The following LINGO2 variants were observed in gnomAD, a reference collection of about 807,000 sequenced individuals.
LINGO2 encodes leucine-rich repeat and immunoglobulin-like domain-containing nogo receptor-interacting protein 2.
Under a neutral mutation model 30.6 loss-of-function variants are expected in LINGO2, and 14 were observed. The observed-to-expected ratio is 0.46, with a 90% CI of 0.30 to 0.72. The LOEUF (loss-of-function observed/expected upper bound fraction) is 0.72, where lower values mean the gene tolerates loss of function less well. Among genes scored for constraint, LINGO2 ranks in the 30% least tolerant of loss-of-function variants. The pLI is 0.07. For synonymous variants in LINGO2, 317 were observed against 288.5 expected (o/e 1.10, Z -1.00); for missense variants, 729 against 751.7 (o/e 0.97, Z 0.35).
At chr9:28,053,459 T>A (rs1824771510) in intron 4 of LINGO2, among the ~76,000 whole-genome samples, 1 of 152,154 alleles carries the variant, frequency 6.6e-6, no homozygotes, top group Non-Finnish European at 1.5e-5. Flanking sequence ...AAATGGTAGT[T>A]GTTTATTCAC....
At chr9:28,853,883 C>T in the LINGO2 span, among the ~76,000 whole-genome samples, 7 of 151,638 alleles carry the variant, frequency 4.6e-5, no homozygotes, top group African/African-American at 1.5e-4. Context: ...TGACACAGAG[C>T]GAAAACTGTA....
At chr9:28,913,017 T>C in the LINGO2 span, among the ~76,000 whole-genome samples, 1 of 152,132 alleles carries the variant, frequency 6.6e-6, no homozygotes, top group African/African-American at 2.4e-5. Flanking sequence ...GGTGGCGGTG[T>C]TGAAAGTTAG....
chr9:28,532,818 G>A (rs1288008722), intron 1 of LINGO2, among the ~76,000 whole-genome samples: 1 of 152,004 alleles, frequency 6.6e-6, no homozygotes, highest in Non-Finnish European at 1.5e-5. Flanking sequence ...TACCCTGAGA[G>A]TTCCTGTAAA....
chr9:28,264,857 C>A (rs1174038844), intron 4 of LINGO2, among the ~76,000 whole-genome samples: 1 of 151,900 alleles, frequency 6.6e-6, no homozygotes, highest in Admixed American at 6.6e-5. Flanking sequence ...CAACTACTGT[C>A]CTTGACTTTA....
At chr9:28,170,115 C>T (rs947320860) in intron 4 of LINGO2, among the ~76,000 whole-genome samples, 3 of 152,080 alleles carry the variant, frequency 2.0e-5, no homozygotes, top group Admixed American at 2.0e-4. Context: ...TGGAACAGTG[C>T]CAGGACCATA....
chr9:28,208,344 CTG>C (rs937474610), intron 4 of LINGO2, among the ~76,000 whole-genome samples: 11 of 152,194 alleles, frequency 7.2e-5, no homozygotes, highest in African/African-American at 2.6e-4. Context: ...AATCCTAAGA[CTG>C]TGTTAAATCT....
intron 2 of LINGO2, among the ~76,000 whole-genome samples, chr9:28,408,029 A>G (rs2134787922): frequency 6.6e-6 from 1 of 152,222 alleles, no homozygotes; most frequent in African/African-American, 2.4e-5. Context: ...GACAGAAAAG[A>G]GAAGCAGTCT....
At chr9:29,192,840 A>G in the LINGO2 span, among the ~76,000 whole-genome samples, 1 of 152,158 alleles carries the variant, frequency 6.6e-6, no homozygotes, top group African/African-American at 2.4e-5. Context: ...TTCATTTCAC[A>G]AAGGATGTTG....
intron 2 of LINGO2, among the ~76,000 whole-genome samples, chr9:28,379,380 C>T (rs183857723): frequency 3.3e-5 from 5 of 152,128 alleles, no homozygotes; most frequent in Admixed American, 3.3e-4. Context: ...TTCTCTCTCA[C>T]TAGGAAAGTA....
the LINGO2 span, among the ~76,000 whole-genome samples, chr9:28,766,658 G>C: frequency 4.0e-5 from 6 of 151,746 alleles, no homozygotes; most frequent in Non-Finnish European, 5.9e-5. Context: ...CAATACCTAA[G>C]ATATAAAATT....
chr9:28,796,966 A>C, the LINGO2 span, among the ~76,000 whole-genome samples: 1 of 151,734 alleles, frequency 6.6e-6, no homozygotes, highest in African/African-American at 2.4e-5. Flanking sequence ...TGTGTGTTTT[A>C]GACTGCACAT....
intron 1 of LINGO2, among the ~76,000 whole-genome samples, chr9:28,617,486 G>A (rs1439664807): frequency 2.0e-5 from 3 of 151,918 alleles, no homozygotes; most frequent in Admixed American, 6.6e-5. Flanking sequence ...TAGTAGAGAC[G>A]GGGTTTCACC....
chr9:28,725,109 A>C, the LINGO2 span, among the ~76,000 whole-genome samples: 5 of 152,240 alleles, frequency 3.3e-5, no homozygotes, highest in African/African-American at 1.2e-4. Flanking sequence ...CTATTCCATG[A>C]GGCAAACTTT....
chr9:28,161,602 T>G (rs1367107883), intron 4 of LINGO2, among the ~76,000 whole-genome samples: 1 of 152,018 alleles, frequency 6.6e-6, no homozygotes, highest in Non-Finnish European at 1.5e-5. Context: ...ATAGTATAAT[T>G]CTCCATCTCG....
At chr9:28,773,136 C>T in the LINGO2 span, among the ~76,000 whole-genome samples, 1 of 152,042 alleles carries the variant, frequency 6.6e-6, no homozygotes, top group Non-Finnish European at 1.5e-5. Flanking sequence ...GAGGCTGAGA[C>T]GGGTGGATCA....
intron 4 of LINGO2, among the ~76,000 whole-genome samples, chr9:28,092,853 T>C (rs1826136705): frequency 1.3e-5 from 2 of 152,084 alleles, no homozygotes. Context: ...TATGACATAG[T>C]ATTATAAAAA....
chr9:28,037,380 A>C (rs1303013476), intron 4 of LINGO2, among the ~76,000 whole-genome samples: 1 of 152,168 alleles, frequency 6.6e-6, no homozygotes, highest in African/African-American at 2.4e-5. Flanking sequence ...AGAACTTTTC[A>C]CACTATTTAC....
chr9:28,294,705 A>G (rs755527535), intron 4 of LINGO2, among the ~76,000 whole-genome samples: 4 of 152,226 alleles, frequency 2.6e-5, no homozygotes, highest in African/African-American at 9.6e-5. Flanking sequence ...ACCATCTTAA[A>G]TAACAGGTGA....
At chr9:28,068,603 T>G (rs1024039969) in intron 4 of LINGO2, among the ~76,000 whole-genome samples, 1 of 152,180 alleles carries the variant, frequency 6.6e-6, no homozygotes, top group Non-Finnish European at 1.5e-5. Flanking sequence ...AGTAATAACT[T>G]TTACTCATTT....
Sources: allele counts gnomAD v4.1 joint callset (sites outside exome capture counted in the v4.1 genomes callset), GRCh38; gene constraint gnomAD v4.1.1; transcripts MANE v1.5; gene names NCBI Gene and HGNC (gene_info 2026-07-23, HGNC 2026-07-21).